Variants in PLEKHA7 observed in about 807,000 individuals in gnomAD.
PLEKHA7 encodes the protein pleckstrin homology domain-containing family A member 7.
Under a neutral mutation model 170.0 loss-of-function variants are expected in PLEKHA7, and 104 were observed. That is an observed-to-expected ratio of 0.61 (90% CI 0.52 to 0.72). The LOEUF is 0.72. Among genes scored for constraint, PLEKHA7 ranks in the 30% least tolerant of loss-of-function variants. PLEKHA7 has a pLI of 0.00. For synonymous variants in PLEKHA7, 648 were observed against 660.8 expected (o/e 0.98, Z 0.30); for missense variants, 1,615 against 1,671.7 (o/e 0.97, Z 0.59).
At chr11:16,952,922 TA>T (rs535107033) in intron 3 of PLEKHA7, among the ~76,000 whole-genome samples, 15 of 152,360 alleles carry the variant, frequency 9.8e-5, no homozygotes, top group African/African-American at 3.1e-4. Context: ...TAACTAAATT[TA>T]AAAAATTTTT....
At chr11:16,850,511 T>C (rs1852842348) in intron 8 of PLEKHA7, among the ~76,000 whole-genome samples, 1 of 152,196 alleles carries the variant, frequency 6.6e-6, no homozygotes, top group African/African-American at 2.4e-5. Context: ...AGGCCACCAA[T>C]GGAGAAGACC....
intron 3 of PLEKHA7, among the ~76,000 whole-genome samples, chr11:16,907,382 A>G (rs1857875705): frequency 8.0e-6 from 1 of 125,426 alleles, no homozygotes; most frequent in Admixed American, 7.9e-5. Flanking sequence ...TCCGGGAGGG[A>G]GGTGGTGGGG....
At chr11:16,926,102 C>T (rs1364760486) in intron 3 of PLEKHA7, among the ~76,000 whole-genome samples, 4 of 152,240 alleles carry the variant, frequency 2.6e-5, no homozygotes, top group African/African-American at 4.8e-5. Context: ...ATGCTCTTCC[C>T]CACAATGATT....
rs187072228 is a variant in PLEKHA7, at chr11:16,815,954, C to T, written c.1953+224G>A. 2.6e-3 allele frequency among the ~76,000 whole-genome samples: 401 copies of T among 152,200 alleles called. 6 individuals are homozygous for T. The highest frequency in any genetic ancestry group is 8.8e-3 in the African/African-American group (367 of 41,526). ...AATTCATCTTGAAAGAGGAGATAAG[C>T]CTAATATTCCCCTACATTTCCCTGA... On this transcript the variant is annotated intron_variant, in intron 12 of 26. Transcript: ENST00000531066.
At chr11:16,896,361 G>A (rs761172945) in intron 3 of PLEKHA7, among the ~76,000 whole-genome samples, 2 of 152,160 alleles carry the variant, frequency 1.3e-5, no homozygotes, top group Non-Finnish European at 2.9e-5. Flanking sequence ...GAAGGGCAAG[G>A]AGCCCAGAGT....
rs781159901 is a variant in PLEKHA7 at position 16,791,052 on chromosome 11, G to A, written c.2893C>T (p.Arg965Ter). 8 of 1,614,060 alleles carry A rather than the reference G, an allele frequency of 5.0e-6. No individual in the cohort carries two copies. The highest frequency in any genetic ancestry group is 1.1e-5 in the South Asian group (1 of 91,076). The change falls in exon 20 of 27, where the codon CGA becomes TGA. Residue 965 changes from arginine (R) to a stop codon, truncating the protein, a stop_gained. Coordinates refer to ENST00000531066, the MANE Select transcript of PLEKHA7 (RefSeq NM_001329630.2). LOFTEE classifies it high-confidence loss of function. This position sits in a 1 kb window ranked among gnomAD's most constrained non-coding sequence, Gnocchi z 4.5. ...ACACACTGCCCCAGCTCCCGGTCTC[G>A]CTTCCTCTCGTCTGACTGCCGCTTG... The part of the protein sequence containing the change: ...GLKRQSDERK[R>*]DRELGQCVNG...
chr11:16,971,340 T>C (rs1862699154), intron 3 of PLEKHA7, among the ~76,000 whole-genome samples: 2 of 152,254 alleles, frequency 1.3e-5, no homozygotes, highest in South Asian at 2.1e-4. Context: ...TTCCATTTCC[T>C]TAGTTAATAT....
At chr11:16,945,843 T>C (rs1860995305) in intron 3 of PLEKHA7, among the ~76,000 whole-genome samples, 1 of 152,226 alleles carries the variant, frequency 6.6e-6, no homozygotes, top group Non-Finnish European at 1.5e-5. Flanking sequence ...GTGGGCCCGC[T>C]AGGGACCTGA....
At chr11:16,837,542 GA>G (rs1279741517) in intron 9 of PLEKHA7, among the ~76,000 whole-genome samples, 2 of 152,168 alleles carry the variant, frequency 1.3e-5, no homozygotes, top group African/African-American at 4.8e-5. Context: ...ACATGTATAA[GA>G]AATGGAAGGC....
At chr11:16,892,940 T>C (rs993043010) in intron 3 of PLEKHA7, among the ~76,000 whole-genome samples, 2 of 152,208 alleles carry the variant, frequency 1.3e-5, no homozygotes, top group Non-Finnish European at 2.9e-5. Context: ...GGCACCTTCC[T>C]GCTGCATCCT....
intron 3 of PLEKHA7, among the ~76,000 whole-genome samples, chr11:16,912,785 T>A (rs1436471829): frequency 6.6e-6 from 1 of 152,138 alleles, no homozygotes; most frequent in African/African-American, 2.4e-5. Flanking sequence ...TCTGGGCTTC[T>A]AGCCATGCTC....
chr11:16,868,120 G>A (rs1349258467), intron 4 of PLEKHA7, among the ~76,000 whole-genome samples: 2 of 152,086 alleles, frequency 1.3e-5, no homozygotes, highest in Admixed American at 6.6e-5. Context: ...TCCCTTCCCA[G>A]ATGAGGAGGC....
intron 9 of PLEKHA7, among the ~76,000 whole-genome samples, chr11:16,830,389 G>C (rs574499765): frequency 6.6e-6 from 1 of 152,254 alleles, no homozygotes; most frequent in Non-Finnish European, 1.5e-5. Context: ...TCACACCCTG[G>C]CCAAGTCGCT....
chr11:16,787,019 T>A (rs1000689232), intron 23 of PLEKHA7: 4 of 985,066 alleles, frequency 4.1e-6, no homozygotes, highest in Non-Finnish European at 4.8e-6. Context: ...CTAAATCATA[T>A]AAAATTGAAA....
At chr11:16,985,898 C>CAAATGAATGAAAGCACTGCTAACT (rs1278071056) in intron 3 of PLEKHA7, among the ~76,000 whole-genome samples, 1 of 152,204 alleles carries the variant, frequency 6.6e-6, no homozygotes, top group African/African-American at 2.4e-5. Flanking sequence ...CAGTACATAA[C>CAAATGAATGAAAGCACTGCTAACT]AAATGAATGA....
intron 3 of PLEKHA7, among the ~76,000 whole-genome samples, chr11:16,939,004 A>T (rs191356655): frequency 1.4e-3 from 207 of 152,350 alleles, no homozygotes; most frequent in African/African-American, 4.8e-3. Context: ...ATTTTAGAAG[A>T]TTCAAAGATC....
chr11:16,808,684 G>A (rs76539472), intron 13 of PLEKHA7, among the ~76,000 whole-genome samples: 1,563 of 152,224 alleles, frequency 0.01, 19 homozygotes, highest in African/African-American at 0.036. Context: ...AAGGCTCCAC[G>A]AGTGACAGCA....
intron 8 of PLEKHA7, among the ~76,000 whole-genome samples, chr11:16,847,090 C>CTTTTTTTTTTT (rs59132787): frequency 5.6e-5 from 4 of 70,814 alleles, no homozygotes; most frequent in Admixed American, 2.1e-4. Flanking sequence ...TTTTTTTTTT[C>CTTTTTTTTTTT]TTTTTTTTTT....
chr11:17,014,149 T>C lies in PLEKHA7; in HGVS notation c.139A>G (p.Asn47Asp). The change falls in exon 2 of 27, where the codon AAC becomes GAC. Residue 47 changes from asparagine to aspartate, a missense_variant. By Grantham distance (23) the Asn-to-Asp change is conservative (BLOSUM62 1). Coordinates refer to ENST00000531066, the MANE Select transcript of PLEKHA7 (RefSeq NM_001329630.2). ...CCTGAGCGGATCATGTGGCCCGAGT[T>C]GACGGGCTCCCCGGTGCGCGGATGC... ...WLHPRTGEPV[N>D]SGHMIRSDLP... 1 of 1,601,768 alleles carries C rather than the reference T, an allele frequency of 6.2e-7. No homozygotes were observed. Among genetic ancestry groups the C allele is most frequent in the Non-Finnish European group, 8.5e-7 (1 of 1,175,620 alleles).
Sources: gnomAD v4.1 joint callset for allele counts (sites outside exome capture counted in the v4.1 genomes callset) on GRCh38, gnomAD v4.1.1 for gene constraint, Gnocchi (gnomAD v3.1) non-coding constraint, MANE v1.5 for transcripts, NCBI Gene and HGNC (gene_info 2026-07-23, HGNC 2026-07-21) for gene names.